LRRC69: variants seen among roughly 807,000 people sequenced by gnomAD.
LRRC69 encodes the protein leucine rich repeat containing 69, also known as leucine-rich repeat-containing protein 69.
A neutral mutation model predicts 37.8 loss-of-function variants in LRRC69; 42 were observed. The observed-to-expected ratio is 1.11, with a 90% CI of 0.87 to 1.44. LRRC69 has a LOEUF of 1.44. Among genes scored for constraint, LRRC69 ranks in the 40% most tolerant of loss-of-function variants. LRRC69 has a pLI of 0.00. For missense variants in LRRC69, 357 were observed against 401.9 expected, an observed-to-expected ratio of 0.89 and a Z score of 0.96; for synonymous variants, 141 against 143.1, an observed-to-expected ratio of 0.99 and a Z score of 0.11.
At chr8:91,177,261 T>C (rs983325102) in intron 5 of LRRC69, among the ~76,000 whole-genome samples, 1 of 152,070 alleles carries the variant, frequency 6.6e-6, no homozygotes, top group Non-Finnish European at 1.5e-5. Flanking sequence ...CTAAAAAGGG[T>C]AAATGTTATC....
At chr8:91,117,262 C>T (rs1326231438) in intron 1 of LRRC69, among the ~76,000 whole-genome samples, 1 of 151,976 alleles carries the variant, frequency 6.6e-6, no homozygotes, top group Middle Eastern at 3.2e-3. Context: ...CCATTCTTTA[C>T]ATCTTTTGCT....
intron 7 of LRRC69, chr8:91,206,866 A>G: frequency 7.8e-7 from 1 of 1,285,032 alleles, no homozygotes; most frequent in South Asian, 1.2e-5. Context: ...CCAATTTCAG[A>G]AAGCTGCCAA....
At chr8:91,145,716 G>A (rs1808608536) in intron 5 of LRRC69, among the ~76,000 whole-genome samples, 1 of 151,800 alleles carries the variant, frequency 6.6e-6, no homozygotes. Flanking sequence ...AGCTAATATA[G>A]AATTAGTGAG....
At chr8:91,126,863 C>T (rs1813725499) in intron 2 of LRRC69, among the ~76,000 whole-genome samples, 2 of 151,936 alleles carry the variant, frequency 1.3e-5, no homozygotes, top group African/African-American at 4.8e-5. Context: ...TTTTGATGAG[C>T]CTGGTTGCAT....
rs199931587 is a variant in LRRC69, at chr8:91,196,485, G to T, written c.754-4128G>T. 1.8e-4 allele frequency among the ~76,000 whole-genome samples: 28 copies of T among 151,912 alleles called. No individual in the cohort carries two copies. In the East Asian group the frequency reaches 4.5e-3, roughly 24 times the overall value. Reference sequence around the variant, plus strand: ...TCCCCATCACTTTCAGGTACACCAAGCAGACGTAGATTTGGTCTTTTCACA... The same window carrying T: ...TCCCCATCACTTTCAGGTACACCAATCAGACGTAGATTTGGTCTTTTCACA... On this transcript the variant is annotated intron_variant, in intron 6 of 7. Transcript: ENST00000448384.
intron 5 of LRRC69, among the ~76,000 whole-genome samples, chr8:91,140,088 T>C: frequency 1.6e-5 from 1 of 62,924 alleles, no homozygotes; most frequent in Non-Finnish European, 2.9e-5. Context: ...CGAAACTCCG[T>C]CTCAAAAAAA....
intron 7 of LRRC69, among the ~76,000 whole-genome samples, chr8:91,216,251 A>T (rs1810045110): frequency 6.6e-6 from 1 of 152,180 alleles, no homozygotes; most frequent in Non-Finnish European, 1.5e-5. Context: ...AAGGGGAAAG[A>T]GGGACACAGA....
At chr8:91,206,746 T>G (rs1180056140) in intron 7 of LRRC69, 1 of 1,289,748 alleles carries the variant, frequency 7.8e-7, no homozygotes, top group Non-Finnish European at 1.0e-6. Flanking sequence ...GTACTGAGTG[T>G]GCATCTGGTG....
chr8:91,174,435 A>G (rs1486822862), intron 5 of LRRC69, among the ~76,000 whole-genome samples: 6 of 152,354 alleles, frequency 3.9e-5, no homozygotes, highest in African/African-American at 9.6e-5. Flanking sequence ...ATTTAAAACC[A>G]CACTGGGCCT....
intron 7 of LRRC69, among the ~76,000 whole-genome samples, chr8:91,216,090 G>A (rs186765025): frequency 6.6e-6 from 1 of 152,166 alleles, no homozygotes; most frequent in Admixed American, 6.5e-5. Context: ...GAAAAATATT[G>A]TATAAGAAAT....
At chr8:91,124,531 A>G in exon 2 of LRRC69, 2 of 1,542,038 alleles carry the variant, frequency 1.3e-6, no homozygotes, top group Non-Finnish European at 1.8e-6. Context: ...TTTTAGAAGA[A>G]GTTCCGGAAG....
At chr8:91,136,017 T>G (rs1247257424) in intron 5 of LRRC69, among the ~76,000 whole-genome samples, 1 of 152,030 alleles carries the variant, frequency 6.6e-6, no homozygotes, top group Non-Finnish European at 1.5e-5. Context: ...TATTACACAC[T>G]GCTTTTGGTC....
At chr8:91,161,303 G>T (rs1168766953) in intron 5 of LRRC69, among the ~76,000 whole-genome samples, 1 of 151,320 alleles carries the variant, frequency 6.6e-6, no homozygotes, top group East Asian at 1.9e-4. Context: ...GGGAAATGCT[G>T]GCCTTGAAGA....
intron 5 of LRRC69, among the ~76,000 whole-genome samples, chr8:91,165,885 T>C (rs1809020080): frequency 6.6e-6 from 1 of 151,622 alleles, no homozygotes; most frequent in Admixed American, 6.6e-5. Flanking sequence ...AGAATGCAGG[T>C]TTTTCTTGGT....
chr8:91,197,892 A>G (rs1201892909), intron 6 of LRRC69, among the ~76,000 whole-genome samples: 3 of 151,982 alleles, frequency 2.0e-5, no homozygotes, highest in Non-Finnish European at 4.4e-5. Context: ...AATTTTTACA[A>G]TGTGTTTAGT....
chr8:91,150,116 A>C (rs1212702150), intron 5 of LRRC69, among the ~76,000 whole-genome samples: 2 of 151,958 alleles, frequency 1.3e-5, no homozygotes, highest in Non-Finnish European at 2.9e-5. Context: ...AACTTCCAAC[A>C]CTATGTTGAA....
intron 5 of LRRC69, among the ~76,000 whole-genome samples, chr8:91,181,197 AAAGAT>A (rs1341895020): frequency 6.6e-6 from 1 of 152,206 alleles, no homozygotes; most frequent in African/African-American, 2.4e-5. Flanking sequence ...ATGGAGAAAA[AAAGAT>A]AAGAATTGGT....
At position 91,173,532 on chromosome 8, in the gene LRRC69, A is replaced by C. The variant is rs4624988; in HGVS notation, c.652-15990A>C. Among the ~76,000 whole-genome samples the C allele has an allele frequency of 5.6e-3, 857 of 151,708 alleles. 9 individuals are homozygous for C. Among genetic ancestry groups the C allele is most frequent in the African/African-American group, 0.019 (795 of 41,404 alleles). On this transcript the variant is annotated intron_variant, in intron 5 of 7. Coordinates refer to ENST00000448384, the Ensembl canonical transcript of LRRC69. ...TTTTTACCGTCTTAAAACTGAAAGT[A>C]CTTGTATCAATTTACTAATACACTT...
At chr8:91,104,127 A>G (rs1255410171) in intron 1 of LRRC69, among the ~76,000 whole-genome samples, 1 of 151,930 alleles carries the variant, frequency 6.6e-6, no homozygotes, top group Non-Finnish European at 1.5e-5. Flanking sequence ...GTATTGATCC[A>G]CATCTGGAAT....
Sources: allele counts gnomAD v4.1 joint callset (sites outside exome capture counted in the v4.1 genomes callset), GRCh38; gene constraint gnomAD v4.1.1; transcripts MANE v1.5; gene names NCBI Gene and HGNC (gene_info 2026-07-23, HGNC 2026-07-21).